EFHC1: variants seen among roughly 807,000 people sequenced by gnomAD.
EFHC1 encodes the protein EF-hand domain-containing protein 1.
EFHC1 carries 53 observed loss-of-function variants against 69.9 expected under a neutral mutation model. The observed-to-expected ratio is 0.76, with a 90% CI of 0.61 to 0.95. EFHC1 has a LOEUF of 0.95. Ranked by LOEUF, EFHC1 falls within the 40% of genes least tolerant of loss-of-function variation. The pLI is 0.00. For missense variants in EFHC1, 739 were observed against 798.7 expected (o/e 0.93, Z 0.90); for synonymous variants, 256 against 278.4 (o/e 0.92, Z 0.80).
intron 3 of EFHC1, among the ~76,000 whole-genome samples, chr6:52,444,216 C>A (rs1764729904): frequency 1.3e-5 from 2 of 152,212 alleles, no homozygotes; most frequent in Admixed American, 1.3e-4. Context: ...TCTAAATATA[C>A]AATCATGTCA....
chr6:52,464,847 G>T lies in EFHC1; in HGVS notation c.917-48G>T. On this transcript the variant is annotated intron_variant, in intron 5 of 10. Coordinates refer to ENST00000371068, the MANE Select transcript of EFHC1 (RefSeq NM_018100.4). ...GGCAGTTGTGTGTCAAGTCTTTCTT[G>T]ACACACTCATTCCTTCTTTTTTTCT... 4 of 1,534,164 alleles carry T rather than the reference G, an allele frequency of 2.6e-6. No homozygotes were observed. In the South Asian group the frequency reaches 3.4e-5, roughly 13 times the overall value.
chr6:52,495,343 GACCCA>G lies in EFHC1; in HGVS notation c.*3004_*3008del, dbSNP rs1356635325. 2 of 454,110 alleles carry G rather than the reference GACCCA, an allele frequency of 4.4e-6. No homozygotes were observed. Among genetic ancestry groups the G allele is most frequent in the Non-Finnish European group, 8.8e-6 (2 of 226,798 alleles). 28.1% of individuals were successfully genotyped at this position (454,110 alleles called of 1,614,324 possible). On this transcript the variant is annotated 3_prime_UTR_variant, in exon 11 of 11. Transcript: ENST00000371068. ...AAAGTATACCCTCACTTAGCTTGCA[GACCCA>G]AGGCACTCCAGCCCCTTTCAAGAAG...
At chr6:52,447,968 G>A (rs912340830) in intron 3 of EFHC1, among the ~76,000 whole-genome samples, 4 of 152,200 alleles carry the variant, frequency 2.6e-5, no homozygotes, top group African/African-American at 9.7e-5. Context: ...TGTATGAGGT[G>A]TCAGTTGGCC....
In EFHC1 at chr6:52,420,418, C is replaced by A. The variant is rs899074898; in HGVS notation, c.8C>A (p.Ser3Tyr). Residue 3 changes from serine (S) to tyrosine (Y), a missense_variant, in exon 1 of 11, where the codon TCC becomes TAC. Physicochemically the swap from Ser to Tyr is moderately radical, Grantham distance 144 (BLOSUM62 -2). Coordinates refer to ENST00000371068, the MANE Select transcript of EFHC1 (RefSeq NM_018100.4). ...GCGGTGGTACCGGCTGCAATGGTGTCCAATCCCGTGCATGGCTTGCCCTTT... is the reference window on the plus strand; with the variant it reads ...GCGGTGGTACCGGCTGCAATGGTGTACAATCCCGTGCATGGCTTGCCCTTT... MV[S>Y]NPVHGLPFLP... 2 of 1,614,216 alleles carry A rather than the reference C, an allele frequency of 1.2e-6. No homozygotes were observed. Among genetic ancestry groups the A allele is most frequent in the Non-Finnish European group, 1.7e-6 (2 of 1,180,032 alleles).
intron 1 of EFHC1, chr6:52,423,584 T>G (rs1454870647): frequency 2.0e-6 from 1 of 489,676 alleles, no homozygotes; most frequent in African/African-American, 2.0e-5. Flanking sequence ...TTATTGCAGC[T>G]TGGACCTCCC....
At chr6:52,476,983 G>A (rs1167997552) in intron 7 of EFHC1, among the ~76,000 whole-genome samples, 1 of 152,154 alleles carries the variant, frequency 6.6e-6, no homozygotes, top group South Asian at 2.1e-4. Context: ...TTGGTGAGGG[G>A]AGTGATAATT....
At chr6:52,469,551 G>A in intron 7 of EFHC1, 78 bp downstream of exon 7, 2 of 1,585,966 alleles carry the variant, frequency 1.3e-6, no homozygotes, top group Non-Finnish European at 1.7e-6. Context: ...TCTGTAAGCT[G>A]TAGATTAACA....
At chr6:52,480,747 A>T (rs1765656244) in intron 9 of EFHC1, among the ~76,000 whole-genome samples, 2 of 152,202 alleles carry the variant, frequency 1.3e-5, no homozygotes, top group Admixed American at 1.3e-4. Context: ...AGCGCATGCA[A>T]AGGCCCTAAA....
chr6:52,441,576 CTA>C (rs1764665773), intron 3 of EFHC1, among the ~76,000 whole-genome samples: 1 of 152,020 alleles, frequency 6.6e-6, no homozygotes, highest in Non-Finnish European at 1.5e-5. Flanking sequence ...ATTGCCTTGA[CTA>C]TTCAGGCTCT....
At chr6:52,467,874 C>T (rs892275644) in intron 6 of EFHC1, among the ~76,000 whole-genome samples, 1 of 152,042 alleles carries the variant, frequency 6.6e-6, no homozygotes, top group South Asian at 2.1e-4. Flanking sequence ...GTCATTATAC[C>T]TCAGTCATTT....
intron 2 of EFHC1, among the ~76,000 whole-genome samples, chr6:52,433,090 G>A (rs1044054606): frequency 6.6e-6 from 1 of 151,828 alleles, no homozygotes; most frequent in East Asian, 1.9e-4. Context: ...TTCACTTCTT[G>A]TATCTTTTTT....
intron 1 of EFHC1, chr6:52,421,158 C>G: frequency 1.6e-6 from 1 of 619,618 alleles, no homozygotes; most frequent in Non-Finnish European, 2.0e-6. Flanking sequence ...CCATCCTCTC[C>G]CCATTCCTTT....
chr6:52,446,029 ATATTCTG>A (rs1235546331), intron 3 of EFHC1, among the ~76,000 whole-genome samples: 2 of 152,196 alleles, frequency 1.3e-5, no homozygotes, highest in Non-Finnish European at 2.9e-5. Context: ...AGAAGAATGT[ATATTCTG>A]TTGATTTGGG....
At chr6:52,439,817 C>T (rs1764620188) in intron 3 of EFHC1, among the ~76,000 whole-genome samples, 1 of 152,016 alleles carries the variant, frequency 6.6e-6, no homozygotes, top group Admixed American at 6.6e-5. Context: ...GGTGCTAGAC[C>T]ATCTTTGAGA....
chr6:52,442,745 G>T (rs554383623), intron 3 of EFHC1, among the ~76,000 whole-genome samples: 1 of 152,056 alleles, frequency 6.6e-6, no homozygotes, highest in Non-Finnish European at 1.5e-5. Context: ...GAATAGTGCC[G>T]CAATAAACAT....
At chr6:52,471,491 A>T (rs1202434718) in intron 7 of EFHC1, among the ~76,000 whole-genome samples, 1 of 152,224 alleles carries the variant, frequency 6.6e-6, no homozygotes, top group Non-Finnish European at 1.5e-5. Flanking sequence ...CAGAAACAAG[A>T]CAAGATAACA....
Position 52,495,051 on chromosome 6 carries a change from G to T in EFHC1, c.*2710G>T, listed in dbSNP as rs1276344366. 2.2e-6 allele frequency: 1 copy of T among 454,004 alleles called. No homozygotes were observed. Among genetic ancestry groups the T allele is most frequent in the Admixed American group, 2.3e-5 (1 of 42,564 alleles). 28.1% of individuals were successfully genotyped at this position (454,004 alleles called of 1,614,324 possible). A position where few individuals can be genotyped will look rare whatever the true frequency, so the allele number is the denominator to read the frequency against. On this transcript the variant is annotated 3_prime_UTR_variant, in exon 11 of 11. Coordinates refer to ENST00000371068, the MANE Select transcript of EFHC1 (RefSeq NM_018100.4). ...CTGCCCAGTGCACCACTCTCAGATG[G>T]ACGGGACCCAGTCTGTACCTGATCA...
Position 52,454,105 on chromosome 6 carries a change from T to C in EFHC1, c.734T>C (p.Phe245Ser). 1 of 1,613,616 alleles carries C rather than the reference T, an allele frequency of 6.2e-7. No homozygotes were observed. Among genetic ancestry groups the C allele is most frequent in the Non-Finnish European group, 8.5e-7 (1 of 1,179,970 alleles). ...TTGGATTCTTCAAAGGTCCTTCGAT[T>C]CTATGCAATCTGGGATGATACAGAC... The part of the protein sequence containing the change: ...FLTFDKQVLR[F>S]YAIWDDTDSM... Residue 245 changes from phenylalanine (F) to serine (S), a missense_variant, in exon 5 of 11, where the codon TTC becomes TCC. Coordinates refer to ENST00000371068, the MANE Select transcript of EFHC1 (RefSeq NM_018100.4).
chr6:52,470,586 G>A (rs1389169623), intron 7 of EFHC1, among the ~76,000 whole-genome samples: 1 of 152,218 alleles, frequency 6.6e-6, no homozygotes, highest in Non-Finnish European at 1.5e-5. Flanking sequence ...AAACAGAAAG[G>A]CTAATTGTCT....
Sources: allele counts gnomAD v4.1 joint callset (sites outside exome capture counted in the v4.1 genomes callset), GRCh38; gene constraint gnomAD v4.1.1; transcripts MANE v1.5; gene names NCBI Gene and HGNC (gene_info 2026-07-23, HGNC 2026-07-21).